RERE: variants seen among roughly 807,000 people sequenced by gnomAD.
RERE encodes arginine-glutamic acid dipeptide repeats protein.
In RERE, 40 loss-of-function variants were observed where a neutral mutation model predicts 146.1. The ratio of observed to expected loss-of-function variants is 0.27; its 90% confidence interval spans 0.21 to 0.36. RERE has a LOEUF of 0.36. Ranked by LOEUF, RERE falls within the 10% of genes least tolerant of loss-of-function variation. The pLI is 1.00. For synonymous variants in RERE, 1,003 were observed against 866.0 expected, an observed-to-expected ratio of 1.16 and a Z score of -2.78; for missense variants, 1,933 against 2,138.7, an observed-to-expected ratio of 0.90 and a Z score of 1.90.
At chr1:8,541,671 TA>T (rs941636654) in intron 6 of RERE, among the ~76,000 whole-genome samples, 10 of 151,266 alleles carry the variant, frequency 6.6e-5, no homozygotes, top group African/African-American at 1.2e-4. Flanking sequence ...TTCTAAATCA[TA>T]AAAAAAAATG....
chr1:8,605,619 C>T (rs1028469316), intron 4 of RERE, among the ~76,000 whole-genome samples: 2 of 151,558 alleles, frequency 1.3e-5, no homozygotes, highest in Admixed American at 6.6e-5. Context: ...TGTGGTGGCA[C>T]GTGACTGTAA....
chr1:8,516,182 G>A (rs1309060384), intron 7 of RERE, among the ~76,000 whole-genome samples: 4 of 127,570 alleles, frequency 3.1e-5, no homozygotes, highest in Non-Finnish European at 4.7e-5. Context: ...CCGAGATCCC[G>A]CCAGTGTACT....
In RERE at chr1:8,498,448, C is replaced by T. The variant is rs182678821; in HGVS notation, c.880-919G>A. Among the ~76,000 whole-genome samples, 793 of 151,786 alleles carry T rather than the reference C, an allele frequency of 5.2e-3. 7 individuals are homozygous for T. The highest frequency in any genetic ancestry group is 0.018 in the African/African-American group (762 of 41,398). ...TGGTGGCTCACGCCTATAATCCCAG[C>T]ACTTTGGGAGGCTGAGGTGGGTGGA... is the stretch of plus-strand genomic sequence containing the variant. On this transcript the variant is annotated intron_variant, in intron 8 of 22. Coordinates refer to ENST00000400908, the MANE Select transcript of RERE (RefSeq NM_001042681.2).
intron 12 of RERE, among the ~76,000 whole-genome samples, chr1:8,402,340 AAAG>A (rs1304551461): frequency 1.3e-5 from 2 of 152,204 alleles, no homozygotes; most frequent in Non-Finnish European, 2.9e-5. Context: ...AAATGTGAGT[AAAG>A]AAGATCACAG....
chr1:8,657,381 A>AT (rs529528360), intron 1 of RERE, among the ~76,000 whole-genome samples: 12 of 152,190 alleles, frequency 7.9e-5, no homozygotes, highest in African/African-American at 2.6e-4. Flanking sequence ...TTCTAAAGAT[A>AT]TTTTCTGGCT....
At chr1:8,574,712 C>T (rs1457989275) in intron 4 of RERE, among the ~76,000 whole-genome samples, 3 of 152,124 alleles carry the variant, frequency 2.0e-5, no homozygotes, top group African/African-American at 2.4e-5. Context: ...CCTTCATATA[C>T]GAAGTACGAA....
At chr1:8,695,809 G>GA (rs994563722) in intron 1 of RERE, among the ~76,000 whole-genome samples, 13 of 151,792 alleles carry the variant, frequency 8.6e-5, no homozygotes, top group African/African-American at 2.9e-4. Flanking sequence ...CAAAATAGCA[G>GA]AAAATATTTA....
chr1:8,412,807 G>T (rs1252859707), intron 12 of RERE, among the ~76,000 whole-genome samples: 2 of 152,208 alleles, frequency 1.3e-5, no homozygotes, highest in African/African-American at 4.8e-5. Context: ...AGAGTTCACA[G>T]GGGTTTTCTG....
chr1:8,442,786 A>G (rs1353760914), intron 11 of RERE, among the ~76,000 whole-genome samples: 1 of 152,216 alleles, frequency 6.6e-6, no homozygotes, highest in African/African-American at 2.4e-5. Context: ...GGAACTTCTT[A>G]AAAGACTGGT....
At chr1:8,430,426 T>G (rs1557628535) in intron 11 of RERE, among the ~76,000 whole-genome samples, 1 of 152,226 alleles carries the variant, frequency 6.6e-6, no homozygotes, top group Non-Finnish European at 1.5e-5. Flanking sequence ...AATAGTTTAA[T>G]GAAACTAGTT....
chr1:8,403,823 A>T (rs1202206159), intron 12 of RERE, among the ~76,000 whole-genome samples: 4 of 66,152 alleles, frequency 6.0e-5, no homozygotes, highest in East Asian at 1.0e-3. Context: ...ATAAAATCTT[A>T]GCTTTTTTTT....
chr1:8,501,226 C>A (rs1482740481), intron 8 of RERE, among the ~76,000 whole-genome samples: 28 of 131,728 alleles, frequency 2.1e-4, no homozygotes, highest in African/African-American at 7.5e-4. Context: ...AGCCCCCCGC[C>A]CGGCCGGCCG....
intron 2 of RERE, among the ~76,000 whole-genome samples, chr1:8,653,757 C>G (rs1442953465): frequency 6.7e-6 from 1 of 150,274 alleles, no homozygotes; most frequent in Admixed American, 6.6e-5. Flanking sequence ...TTTAGATGTG[C>G]GTACGCCCTA....
At chr1:8,770,218 G>A (rs1008424316) in intron 1 of RERE, among the ~76,000 whole-genome samples, 3 of 152,076 alleles carry the variant, frequency 2.0e-5, no homozygotes, top group Non-Finnish European at 2.9e-5. Flanking sequence ...CACCTGTAAC[G>A]GAGTAAACAT....
At chr1:8,479,229 T>A (rs913346169) in intron 10 of RERE, among the ~76,000 whole-genome samples, 32 of 152,038 alleles carry the variant, frequency 2.1e-4, no homozygotes, top group African/African-American at 4.6e-4. Flanking sequence ...TACAAAAAAA[T>A]TTTTTTAAAT....
At chr1:8,565,007 T>C (rs1646135701) in intron 4 of RERE, among the ~76,000 whole-genome samples, 1 of 152,054 alleles carries the variant, frequency 6.6e-6, no homozygotes, top group African/African-American at 2.4e-5. Context: ...CATGTGCTTA[T>C]TACATGTGGA....
chr1:8,802,362 A>G (rs933927340), intron 1 of RERE, among the ~76,000 whole-genome samples: 1 of 152,256 alleles, frequency 6.6e-6, no homozygotes, highest in Non-Finnish European at 1.5e-5. Context: ...CTGCTATAAA[A>G]CATTTTAAAA....
chr1:8,803,804 T>C (rs530007596), intron 1 of RERE, among the ~76,000 whole-genome samples: 20 of 152,202 alleles, frequency 1.3e-4, no homozygotes, highest in African/African-American at 4.8e-4. Context: ...TCAAGTGATC[T>C]GCCTGCCTCA....
At chr1:8,635,986 T>C (rs1647097127) in intron 2 of RERE, among the ~76,000 whole-genome samples, 1 of 150,140 alleles carries the variant, frequency 6.7e-6, no homozygotes, top group Non-Finnish European at 1.5e-5. Context: ...TCTTATTTTA[T>C]TTTATTTTAT....
Sources: allele counts gnomAD v4.1 joint callset (sites outside exome capture counted in the v4.1 genomes callset), GRCh38; gene constraint gnomAD v4.1.1; transcripts MANE v1.5; gene names NCBI Gene and HGNC (gene_info 2026-07-23, HGNC 2026-07-21).